DLEC1: variants seen among roughly 807,000 people sequenced by gnomAD.
DLEC1 encodes the protein deleted in lung and esophageal cancer protein 1.
Under a neutral mutation model 198.1 loss-of-function variants are expected in DLEC1, and 146 were observed. That is an observed-to-expected ratio of 0.74 (90% CI 0.64 to 0.85). The LOEUF is 0.85. Among genes scored for constraint, DLEC1 ranks in the 40% least tolerant of loss-of-function variants. DLEC1 has a pLI of 0.00. For missense variants in DLEC1, 2,233 were observed against 2,220.0 expected, an observed-to-expected ratio of 1.01 and a Z score of -0.12; for synonymous variants, 897 against 866.8, an observed-to-expected ratio of 1.03 and a Z score of -0.61.
Position 38,109,572 on chromosome 3 carries a change from G to C in DLEC1, c.3260+10G>C. ...AGAGCTCTGATTGCAGGTGAGCCCA[G>C]GGTTGGTGGTCTGGGGGTGGCAGTG... On this transcript the variant is annotated intron_variant, in intron 22 of 36. Coordinates refer to ENST00000308059, the MANE Select transcript of DLEC1 (RefSeq NM_007335.4). 1 of 1,614,086 alleles carries C rather than the reference G, an allele frequency of 6.2e-7. No individual in the cohort carries two copies. Among genetic ancestry groups the C allele is most frequent in the Non-Finnish European group, 8.5e-7 (1 of 1,179,982 alleles).
At chr3:38,090,967 G>T (rs550422095) in intron 10 of DLEC1, among the ~76,000 whole-genome samples, 1 of 151,962 alleles carries the variant, frequency 6.6e-6, no homozygotes, top group South Asian at 2.1e-4. Context: ...AGATTATTTT[G>T]AACAAAATCA....
chr3:38,063,790 T>C (rs1696826996), intron 5 of DLEC1, 51 bp from the exon 6 acceptor site: 2 of 1,344,138 alleles, frequency 1.5e-6, no homozygotes, highest in South Asian at 1.2e-5. Flanking sequence ...TACTATTTCA[T>C]TGTATGGATG....
Position 38,116,532 on chromosome 3 carries a change from AC to A in DLEC1, c.3938del (p.Pro1313LeufsTer118). On this transcript the variant is annotated frameshift_variant, in exon 28 of 37. Coordinates refer to ENST00000308059, the MANE Select transcript of DLEC1 (RefSeq NM_007335.4). LOFTEE classifies it high-confidence loss of function. The part of the protein sequence containing the change: ...LVELLVFYGP[P>X]FPLRDQAGNE... ...TGGAGCTGCTGGTGTTTTATGGGCC[AC>A]CTTTCCCGCTGCGGGACCAAGCCGG... 1 of 1,613,976 alleles carries A rather than the reference AC, an allele frequency of 6.2e-7. No individual in the cohort carries two copies. Among genetic ancestry groups the A allele is most frequent in the Non-Finnish European group, 8.5e-7 (1 of 1,179,960 alleles).
Position 38,085,914 on chromosome 3 carries a change from G to A in DLEC1, c.1436-327G>A, listed in dbSNP as rs1698431426. On this transcript the variant is annotated intron_variant, in intron 8 of 36. Coordinates refer to ENST00000308059, the MANE Select transcript of DLEC1 (RefSeq NM_007335.4). ...TGGGCATAGGCTGGAATTTGGGACC[G>A]TGATCCCCCTTACTTCTGCCATAGC... is the stretch of plus-strand genomic sequence containing the variant. Among the ~76,000 whole-genome samples, 5 of 152,146 alleles carry A rather than the reference G, an allele frequency of 3.3e-5. No homozygotes were observed. The South Asian group carries it at 6.2e-4, about 19-fold the overall frequency.
intron 12 of DLEC1, 85 bp downstream of exon 12, chr3:38,093,852 C>T: frequency 6.5e-7 from 1 of 1,537,202 alleles, no homozygotes; most frequent in Admixed American, 1.8e-5. Flanking sequence ...GGAGGTCCTT[C>T]CAAGGGCCTG....
At chr3:38,084,714 C>G (rs942258852) in intron 7 of DLEC1, among the ~76,000 whole-genome samples, 2 of 151,606 alleles carry the variant, frequency 1.3e-5, no homozygotes, top group African/African-American at 4.9e-5. Context: ...GCCTGGACTC[C>G]CCCCATCAGC....
chr3:38,108,383 G>A (rs1699679327), intron 20 of DLEC1, 22 bp from the exon 21 acceptor site: 1 of 1,600,486 alleles, frequency 6.2e-7, no homozygotes, highest in African/African-American at 1.3e-5. Flanking sequence ...AGTGACAACA[G>A]GCTCACTCAT....
At chr3:38,071,856 G>A (rs990511641) in intron 6 of DLEC1, among the ~76,000 whole-genome samples, 1 of 152,224 alleles carries the variant, frequency 6.6e-6, no homozygotes, top group Non-Finnish European at 1.5e-5. Flanking sequence ...TTTAGAATCA[G>A]TGTAGATATT....
intron 14 of DLEC1, 28 bp from the exon 15 acceptor site, chr3:38,096,541 T>C: frequency 6.3e-7 from 1 of 1,598,626 alleles, no homozygotes; most frequent in South Asian, 1.1e-5. Context: ...GTGTGCCGGC[T>C]CCTAGCTAAC....
intron 6 of DLEC1, among the ~76,000 whole-genome samples, chr3:38,072,816 G>A (rs1365339286): frequency 6.6e-6 from 1 of 152,184 alleles, no homozygotes; most frequent in Non-Finnish European, 1.5e-5. Flanking sequence ...GTAGGTAATG[G>A]ATGGAGAAGA....
At chr3:38,089,727 GAGGGTAGCAGCAGGACTCTT>G (rs1225968117) in intron 10 of DLEC1, among the ~76,000 whole-genome samples, 1 of 152,226 alleles carries the variant, frequency 6.6e-6, no homozygotes, top group Non-Finnish European at 1.5e-5. Context: ...AGTAAAGGAA[GAGGGTAGCAGCAGGACTCTT>G]AGGGGAGCAG....
intron 6 of DLEC1, among the ~76,000 whole-genome samples, chr3:38,073,308 TG>T (rs1363710649): frequency 6.6e-6 from 1 of 152,064 alleles, no homozygotes; most frequent in African/African-American, 2.4e-5. Flanking sequence ...ACAGGTAAAG[TG>T]GGGGAATTGT....
rs565741523 is a variant in DLEC1 at position 38,060,839 on chromosome 3, C to G, written c.673+987C>G. Among the ~76,000 whole-genome samples the G allele has an allele frequency of 2.6e-5, 4 of 152,194 alleles. No individual in the cohort carries two copies. The East Asian group carries it at 7.7e-4, about 29-fold the overall frequency. On this transcript the variant is annotated intron_variant, in intron 3 of 36. Transcript: ENST00000308059. ...CCTCCCAAGTAGCTGGGATTACAGG[C>G]GTGTGCCACCACACCTGGCTAATTT...
intron 28 of DLEC1, 30 bp from the exon 29 acceptor site, chr3:38,116,743 G>T (rs750138549): frequency 6.2e-7 from 1 of 1,608,754 alleles, no homozygotes; most frequent in African/African-American, 1.3e-5. Flanking sequence ...CTCAGTGACT[G>T]CGTGAACCTC....
chr3:38,115,188 G>A (rs752006921), intron 27 of DLEC1, 135 bp downstream of exon 27: 38 of 891,150 alleles, frequency 4.3e-5, no homozygotes, highest in Admixed American at 6.9e-5. Context: ...CTGTGGTTAC[G>A]GAAGTGTGGA....
intron 22 of DLEC1, 28 bp from the exon 23 acceptor site, chr3:38,110,071 A>G: frequency 6.2e-7 from 1 of 1,611,650 alleles, no homozygotes; most frequent in South Asian, 1.1e-5. Flanking sequence ...GTTACATAGT[A>G]CCAATGGGCA....
At chr3:38,064,453 C>T (rs918892848) in intron 6 of DLEC1, among the ~76,000 whole-genome samples, 11 of 152,364 alleles carry the variant, frequency 7.2e-5, no homozygotes, top group African/African-American at 2.6e-4. Flanking sequence ...CTTTCTTTTC[C>T]CCACATTTCC....
Position 38,085,335 on chromosome 3 carries a change from G to A in DLEC1, c.1323G>A (p.Gln441=). 1 of 1,614,130 alleles carries A rather than the reference G, an allele frequency of 6.2e-7. No homozygotes were observed. Among genetic ancestry groups the A allele is most frequent in the Non-Finnish European group, 8.5e-7 (1 of 1,180,016 alleles). The change falls in exon 8 of 37, where the codon CAG becomes CAA. Residue 441 remains glutamine (Q), a synonymous_variant. Coordinates refer to ENST00000308059, the MANE Select transcript of DLEC1 (RefSeq NM_007335.4). ...APGMTCQYIV[Q]FFPDCLGDFD... ...GAATGACCTGCCAGTACATTGTCCAGTTTTTTCCCGACTGCCTTGGGGATT... is the reference window on the plus strand; with the variant it reads ...GAATGACCTGCCAGTACATTGTCCAATTTTTTCCCGACTGCCTTGGGGATT...
In DLEC1 at chr3:38,123,424, A is replaced by G. The variant is rs1270517483; in HGVS notation, c.*1012A>G. ...GGGATCGATCATAATCCCAAAAGAC[A>G]CAATCCCAAACACAATCATCCCAAA... is the stretch of plus-strand genomic sequence containing the variant. On this transcript the variant is annotated 3_prime_UTR_variant, in exon 37 of 37. Coordinates refer to ENST00000308059, the MANE Select transcript of DLEC1 (RefSeq NM_007335.4). The G allele has an allele frequency of 2.0e-5, 6 of 293,030 alleles. No homozygotes were observed. Among genetic ancestry groups the G allele is most frequent in the African/African-American group, 6.5e-5 (3 of 46,188 alleles). The allele number at this position is 293,030 out of a possible 1,614,324, so 18.2% of individuals were successfully genotyped here.
Sources: allele counts gnomAD v4.1 joint callset (sites outside exome capture counted in the v4.1 genomes callset), GRCh38; gene constraint gnomAD v4.1.1; transcripts MANE v1.5; gene names NCBI Gene and HGNC (gene_info 2026-07-23, HGNC 2026-07-21).